FBXL7: variants seen among roughly 807,000 people sequenced by gnomAD.
FBXL7 encodes F-box and leucine rich repeat protein 7.
In FBXL7, 12 loss-of-function variants were observed where a neutral mutation model predicts 38.3. The observed-to-expected ratio is 0.31, with a 90% CI of 0.20 to 0.51. FBXL7 has a LOEUF of 0.51. Among genes scored for constraint, FBXL7 ranks in the 20% least tolerant of loss-of-function variants. The pLI, the probability that FBXL7 is intolerant of heterozygous loss-of-function variation, is 0.98. For synonymous variants in FBXL7, 297 were observed against 300.9 expected (o/e 0.99, Z 0.13); for missense variants, 567 against 676.4 (o/e 0.84, Z 1.79).
At chr5:15,715,946 CG>C (rs1239588461) in intron 2 of FBXL7, among the ~76,000 whole-genome samples, 1 of 152,146 alleles carries the variant, frequency 6.6e-6, no homozygotes, top group East Asian at 1.9e-4. Flanking sequence ...AGTATTTGCA[CG>C]TTTGCAAAAG....
intron 2 of FBXL7, among the ~76,000 whole-genome samples, chr5:15,893,762 C>T (rs1022499993): frequency 2.0e-5 from 3 of 152,090 alleles, no homozygotes; most frequent in Admixed American, 6.5e-5. Context: ...CATATTAGAA[C>T]TTATATTTGA....
chr5:15,733,875 G>A (rs977413816), intron 2 of FBXL7, among the ~76,000 whole-genome samples: 90 of 152,276 alleles, frequency 5.9e-4, no homozygotes, highest in African/African-American at 1.9e-3. Flanking sequence ...TTGGGAGGCC[G>A]AGGCAGGCGG....
At chr5:15,573,889 C>T (rs1738873763) in intron 1 of FBXL7, among the ~76,000 whole-genome samples, 1 of 152,104 alleles carries the variant, frequency 6.6e-6, no homozygotes, top group African/African-American at 2.4e-5. Context: ...TCAGCAACCC[C>T]ACTGAAAACA....
chr5:15,599,199 A>G (rs1441720090), intron 1 of FBXL7, among the ~76,000 whole-genome samples: 1 of 152,196 alleles, frequency 6.6e-6, no homozygotes, highest in African/African-American at 2.4e-5. Flanking sequence ...CTTAGGGGAC[A>G]TAGCAGGTAA....
chr5:15,525,548 A>G (rs972462472), intron 1 of FBXL7, among the ~76,000 whole-genome samples: 1 of 152,020 alleles, frequency 6.6e-6, no homozygotes, highest in Admixed American at 6.5e-5. Flanking sequence ...ACCTTAGCCA[A>G]CTTATCTTGC....
At position 15,935,643 on chromosome 5, in the gene FBXL7, A is replaced by G. The variant is rs115533102; in HGVS notation, c.740-807A>G. Reference sequence around the variant, plus strand: ...AGGGCAGGGAAGGGAGTCTTGTTCAAGGGCTACAGCAACAATCCAGATAAC... The same window carrying G: ...AGGGCAGGGAAGGGAGTCTTGTTCAGGGGCTACAGCAACAATCCAGATAAC... On this transcript the variant is annotated intron_variant, in intron 3 of 3. Transcript: ENST00000504595. Among the ~76,000 whole-genome samples, 919 of 152,350 alleles carry G rather than the reference A, an allele frequency of 6.0e-3. 7 individuals carry two copies. Among genetic ancestry groups the G allele is most frequent in the African/African-American group, 0.021 (853 of 41,578 alleles).
chr5:15,514,674 G>A (rs1422852204), intron 1 of FBXL7, among the ~76,000 whole-genome samples: 1 of 152,134 alleles, frequency 6.6e-6, no homozygotes, highest in African/African-American at 2.4e-5. Flanking sequence ...ACTTTGAGAA[G>A]ATTTGAGATG....
intron 2 of FBXL7, among the ~76,000 whole-genome samples, chr5:15,882,932 AAATGT>A (rs1740519214): frequency 1.3e-5 from 2 of 150,158 alleles, no homozygotes; most frequent in African/African-American, 4.9e-5. Flanking sequence ...ATTATAAATT[AAATGT>A]ATTTTCTGAT....
At chr5:15,716,414 C>T (rs966960490) in intron 2 of FBXL7, among the ~76,000 whole-genome samples, 1 of 152,152 alleles carries the variant, frequency 6.6e-6, no homozygotes, top group Non-Finnish European at 1.5e-5. Context: ...CAATTCTGCC[C>T]TCATCATTTT....
intron 1 of FBXL7, 92 bp downstream of exon 1, chr5:15,500,805 G>A (rs1300682145): frequency 2.0e-6 from 3 of 1,486,316 alleles, no homozygotes; most frequent in Non-Finnish European, 2.8e-6. Flanking sequence ...TCTCGCCCGC[G>A]GCCGTGACGC....
intron 2 of FBXL7, among the ~76,000 whole-genome samples, chr5:15,772,085 T>C (rs1393615754): frequency 6.6e-6 from 1 of 152,094 alleles, no homozygotes; most frequent in Non-Finnish European, 1.5e-5. Context: ...TAACTGACTT[T>C]TAATAAAGTA....
intron 2 of FBXL7, among the ~76,000 whole-genome samples, chr5:15,623,163 AG>A (rs1417676665): frequency 6.6e-6 from 1 of 152,256 alleles, no homozygotes; most frequent in East Asian, 1.9e-4. Flanking sequence ...GAGCTGAAGC[AG>A]CCTGTTCAGA....
At chr5:15,528,722 T>G (rs1737327053) in intron 1 of FBXL7, among the ~76,000 whole-genome samples, 1 of 152,200 alleles carries the variant, frequency 6.6e-6, no homozygotes, top group Admixed American at 6.5e-5. Flanking sequence ...AGATGAGATT[T>G]GGGTGGAGAC....
At chr5:15,646,870 G>T (rs1580431739) in intron 2 of FBXL7, among the ~76,000 whole-genome samples, 1 of 152,132 alleles carries the variant, frequency 6.6e-6, no homozygotes. Flanking sequence ...GGAGTGGCCT[G>T]GTTGATTCTA....
intron 2 of FBXL7, among the ~76,000 whole-genome samples, chr5:15,744,083 C>CCT (rs1735955750): frequency 6.6e-6 from 1 of 152,204 alleles, no homozygotes; most frequent in Non-Finnish European, 1.5e-5. Flanking sequence ...GCTGTGAAGA[C>CCT]CTCTGACATG....
intron 1 of FBXL7, among the ~76,000 whole-genome samples, chr5:15,541,443 GTA>G (rs56810372): frequency 0.038 from 1,471 of 38,390 alleles, 23 homozygotes; most frequent in African/African-American, 0.062. Flanking sequence ...GTGTGTGTGT[GTA>G]TATATATATA....
At chr5:15,895,688 C>T (rs1741078669) in intron 2 of FBXL7, among the ~76,000 whole-genome samples, 1 of 131,294 alleles carries the variant, frequency 7.6e-6, no homozygotes, top group Non-Finnish European at 1.5e-5. Flanking sequence ...GTTGCCCAGG[C>T]TCTGGAGTGC....
chr5:15,841,698 G>A (rs573445081), intron 2 of FBXL7, among the ~76,000 whole-genome samples: 73 of 152,318 alleles, frequency 4.8e-4, no homozygotes, highest in Non-Finnish European at 8.8e-4. Context: ...CCCTTGCTGT[G>A]TGCAGCCTAG....
chr5:15,783,038 G>A (rs890360301), intron 2 of FBXL7, among the ~76,000 whole-genome samples: 8 of 152,112 alleles, frequency 5.3e-5, no homozygotes, highest in South Asian at 2.1e-4. Context: ...AGCAGAGAGC[G>A]GGTAGGAAGT....
Sources: allele counts gnomAD v4.1 joint callset (sites outside exome capture counted in the v4.1 genomes callset), GRCh38; gene constraint gnomAD v4.1.1; transcripts MANE v1.5; gene names NCBI Gene and HGNC (gene_info 2026-07-23, HGNC 2026-07-21).